The following KLF7 variants were observed in gnomAD, a reference collection of about 807,000 sequenced individuals.
The protein encoded by KLF7 is KLF transcription factor 7.
Under a neutral mutation model 27.3 loss-of-function variants are expected in KLF7, and 2 were observed. That is an observed-to-expected ratio of 0.07 (90% confidence interval 0.03 to 0.23). The LOEUF (loss-of-function observed/expected upper bound fraction) is 0.23. KLF7 is among the 10% of genes least tolerant of loss of function. The probability of loss-of-function intolerance (pLI) is 1.00; values close to 1 mark genes in which losing one functional copy is unlikely to be tolerated. For missense variants in KLF7, 221 were observed against 394.1 expected, an observed-to-expected ratio of 0.56 and a Z score of 3.72; for synonymous variants, 165 against 162.4, an observed-to-expected ratio of 1.02 and a Z score of -0.12.
At chr2:207,092,567 C>T (rs762660595) in intron 2 of KLF7, among the ~76,000 whole-genome samples, 17 of 152,178 alleles carry the variant, frequency 1.1e-4, no homozygotes, top group Non-Finnish European at 1.8e-4. Context: ...GGTAAGGGTG[C>T]TTGAGAAACA....
At chr2:207,084,901 G>T (rs930734417) in intron 3 of KLF7, among the ~76,000 whole-genome samples, 1 of 151,850 alleles carries the variant, frequency 6.6e-6, no homozygotes, top group Non-Finnish European at 1.5e-5. Flanking sequence ...CGTGGCTCGC[G>T]CCTGTAATCC....
chr2:207,083,987 AGT>A (rs953187221), intron 3 of KLF7, among the ~76,000 whole-genome samples: 2 of 152,218 alleles, frequency 1.3e-5, no homozygotes, highest in African/African-American at 4.8e-5. Context: ...AGTTTAGCCC[AGT>A]GAGACTTGTG....
Position 207,124,312 on chromosome 2 carries a change from G to C in KLF7, c.195C>G (p.Ser65=), listed in dbSNP as rs1438273351. Reference sequence around the variant, plus strand: ...AGCTTTCCTCAATGCACGGGGGAGGGGAAGCGTGGAGGAAACAGTCCAAGT... The same window carrying C: ...AGCTTTCCTCAATGCACGGGGGAGGCGAAGCGTGGAGGAAACAGTCCAAGT... ...GEDLDCFLHA[S]PPPCIEESFR... is the part of the protein sequence containing the mutation. The change falls in exon 2 of 4, where the codon TCC becomes TCG. Residue 65 remains serine, a synonymous_variant. Transcript: ENST00000309446. The C allele has an allele frequency of 1.2e-6, 2 of 1,613,112 alleles. No homozygotes were observed. Among genetic ancestry groups the C allele is most frequent in the South Asian group, 1.1e-5 (1 of 91,052 alleles).
At chr2:207,160,472 A>C (rs1197808831) in intron 1 of KLF7, among the ~76,000 whole-genome samples, 2 of 152,210 alleles carry the variant, frequency 1.3e-5, no homozygotes, top group Non-Finnish European at 2.9e-5. Context: ...GATAATTAAA[A>C]GCCCATTGCA....
At chr2:207,083,813 G>C (rs1395716293) in intron 3 of KLF7, among the ~76,000 whole-genome samples, 1 of 152,202 alleles carries the variant, frequency 6.6e-6, no homozygotes, top group African/African-American at 2.4e-5. Context: ...GGAATTGATA[G>C]AACCAGAGAG....
chr2:207,157,076 C>T (rs557470555), intron 1 of KLF7, among the ~76,000 whole-genome samples: 21 of 152,126 alleles, frequency 1.4e-4, no homozygotes, highest in African/African-American at 4.3e-4. Context: ...ATAACATGCT[C>T]CTCAAATAAC....
intron 2 of KLF7, among the ~76,000 whole-genome samples, chr2:207,121,244 G>A (rs762645789): frequency 5.3e-5 from 8 of 152,172 alleles, no homozygotes; most frequent in Non-Finnish European, 8.8e-5. Context: ...CACTGGGAGC[G>A]AGAGGGAAAA....
chr2:207,155,850 G>C (rs1055383267), intron 1 of KLF7, among the ~76,000 whole-genome samples: 2 of 152,174 alleles, frequency 1.3e-5, no homozygotes, highest in African/African-American at 4.8e-5. Flanking sequence ...AAAGGCAGGG[G>C]GTGTTGGGGT....
At chr2:207,115,731 T>TC (rs2077162449) in intron 2 of KLF7, among the ~76,000 whole-genome samples, 1 of 149,810 alleles carries the variant, frequency 6.7e-6, no homozygotes, top group South Asian at 2.1e-4. Flanking sequence ...TTCCCAACAC[T>TC]CCCCCATCAT....
In KLF7 at chr2:207,074,813, G is replaced by A. The variant is rs1338965475; in HGVS notation, c.*6400C>T. ...GTAATCTCTATCATTCTAAAATATT[G>A]CTTTTCATAATCTCCAACAATTGGC... On this transcript the variant is annotated 3_prime_UTR_variant, in exon 4 of 4. Coordinates refer to ENST00000309446, the MANE Select transcript of KLF7 (RefSeq NM_003709.4). The A allele has an allele frequency of 6.6e-6, 1 of 152,056 alleles. No individual in the cohort carries two copies. Among genetic ancestry groups the A allele is most frequent in the Non-Finnish European group, 1.5e-5 (1 of 68,016 alleles). 9.4% of individuals were successfully genotyped at this position (152,056 alleles called of 1,614,324 possible).
upstream of KLF7, among the ~76,000 whole-genome samples, chr2:207,169,914 C>T (rs887402016): frequency 9.2e-5 from 14 of 152,042 alleles, no homozygotes; most frequent in Admixed American, 3.3e-4. Context: ...CCTCCCTATT[C>T]GTTAAGACAC....
At chr2:207,114,486 G>A (rs1329373168) in intron 2 of KLF7, among the ~76,000 whole-genome samples, 1 of 152,096 alleles carries the variant, frequency 6.6e-6, no homozygotes, top group Non-Finnish European at 1.5e-5. Context: ...TTTTAAACAG[G>A]ACTACTGCAC....
chr2:207,113,620 G>GGGAA (rs1491431908), intron 2 of KLF7, among the ~76,000 whole-genome samples: 3 of 107,696 alleles, frequency 2.8e-5, no homozygotes, highest in African/African-American at 1.0e-4. Flanking sequence ...GGGGGGGGGG[G>GGGAA]AAATGATGCA....
At chr2:207,162,003 G>T (rs1054622602) in intron 1 of KLF7, among the ~76,000 whole-genome samples, 4 of 152,092 alleles carry the variant, frequency 2.6e-5, no homozygotes, top group Non-Finnish European at 5.9e-5. Flanking sequence ...ATGACACGAC[G>T]CAAAGCTAAG....
intron 1 of KLF7, among the ~76,000 whole-genome samples, chr2:207,127,513 T>G (rs1054949129): frequency 3.9e-5 from 6 of 152,160 alleles, no homozygotes; most frequent in African/African-American, 1.2e-4. Context: ...ACTTCCAACA[T>G]TGTTTGTAAA....
intron 3 of KLF7, among the ~76,000 whole-genome samples, chr2:207,087,866 T>C (rs912460618): frequency 1.3e-5 from 2 of 152,198 alleles, no homozygotes; most frequent in African/African-American, 2.4e-5. Flanking sequence ...AGGCTTAAAA[T>C]TGAATTACAG....
At chr2:207,125,109 T>C (rs2077445425) in intron 1 of KLF7, among the ~76,000 whole-genome samples, 2 of 152,258 alleles carry the variant, frequency 1.3e-5, no homozygotes, top group African/African-American at 2.4e-5. Context: ...CCCATTTCAA[T>C]GGTTTAGCAT....
chr2:207,131,500 T>C (rs1462228520), intron 1 of KLF7, among the ~76,000 whole-genome samples: 1 of 152,210 alleles, frequency 6.6e-6, no homozygotes. Context: ...AAGCTACTGT[T>C]AGGAGGGAAA....
chr2:207,097,330 T>TG (rs932970309), intron 2 of KLF7, among the ~76,000 whole-genome samples: 1 of 152,164 alleles, frequency 6.6e-6, no homozygotes, highest in African/African-American at 2.4e-5. Flanking sequence ...TGAAAGTGAC[T>TG]GGTCAGTTAC....
Sources: allele counts gnomAD v4.1 joint callset (sites outside exome capture counted in the v4.1 genomes callset), GRCh38; gene constraint gnomAD v4.1.1; transcripts MANE v1.5; gene names NCBI Gene and HGNC (gene_info 2026-07-23, HGNC 2026-07-21).